PKP4: variants seen among roughly 807,000 people sequenced by gnomAD.
PKP4 encodes the protein plakophilin-4.
In PKP4, 90 loss-of-function variants were observed where a neutral mutation model predicts 145.1. The ratio of observed to expected loss-of-function variants is 0.62; its 90% CI spans 0.52 to 0.74. The LOEUF (loss-of-function observed/expected upper bound fraction) is 0.74. Ranked by LOEUF, PKP4 falls within the 30% of genes least tolerant of loss-of-function variation. The pLI is 0.00. For synonymous variants in PKP4, 563 were observed against 577.2 expected (o/e 0.98, Z 0.35); for missense variants, 1,340 against 1,482.7 (o/e 0.90, Z 1.58).
At chr2:158,475,393 A>C (rs1692307293) in intron 1 of PKP4, among the ~76,000 whole-genome samples, 1 of 152,130 alleles carries the variant, frequency 6.6e-6, no homozygotes, top group Non-Finnish European at 1.5e-5. Context: ...GTAGGTGCCC[A>C]GTGTTTTAGA....
At chr2:158,536,358 T>C (rs2044043096) in intron 2 of PKP4, among the ~76,000 whole-genome samples, 1 of 152,150 alleles carries the variant, frequency 6.6e-6, no homozygotes, top group South Asian at 2.1e-4. Context: ...CCAAACATAA[T>C]GTCAAGGCAC....
At chr2:158,615,497 G>A (rs987161526) in intron 4 of PKP4, among the ~76,000 whole-genome samples, 1 of 152,000 alleles carries the variant, frequency 6.6e-6, no homozygotes, top group African/African-American at 2.4e-5. Flanking sequence ...TATGGTAGCT[G>A]TGACATCTGT....
intron 1 of PKP4, among the ~76,000 whole-genome samples, chr2:158,514,831 C>T (rs1401729469): frequency 6.6e-6 from 1 of 152,124 alleles, no homozygotes; most frequent in African/African-American, 2.4e-5. Context: ...ATCCCAGCTA[C>T]TCAGGAGGCT....
intron 11 of PKP4, among the ~76,000 whole-genome samples, chr2:158,657,301 A>T (rs557234103): frequency 1.3e-5 from 2 of 152,328 alleles, no homozygotes; most frequent in East Asian, 3.9e-4. Context: ...CTATGATAAT[A>T]ATTTTAGCTA....
intron 1 of PKP4, among the ~76,000 whole-genome samples, chr2:158,485,862 T>TAACAC (rs1348367027): frequency 6.6e-6 from 1 of 152,214 alleles, no homozygotes; most frequent in East Asian, 1.9e-4. Flanking sequence ...ATCCTTAATG[T>TAACAC]CAATAATTAA....
intron 19 of PKP4, among the ~76,000 whole-genome samples, chr2:158,676,252 A>G (rs1575141108): frequency 6.6e-6 from 1 of 152,356 alleles, no homozygotes; most frequent in Middle Eastern, 3.4e-3. Context: ...TTTGGAAATA[A>G]TTAGAAATCA....
chr2:158,636,547 G>A (rs1462617621), intron 9 of PKP4, among the ~76,000 whole-genome samples: 4 of 152,086 alleles, frequency 2.6e-5, no homozygotes, highest in Admixed American at 2.6e-4. Flanking sequence ...TGGAATGTAG[G>A]TTGATGTTTT....
At chr2:158,678,159 A>C (rs2058174833) in intron 20 of PKP4, among the ~76,000 whole-genome samples, 1 of 152,102 alleles carries the variant, frequency 6.6e-6, no homozygotes, top group South Asian at 2.1e-4. Flanking sequence ...GCTTGTTCGA[A>C]TATTGTGTTT....
rs760129661 is a variant in PKP4 at position 158,680,564 on chromosome 2, T to G, written c.3466T>G (p.Tyr1156Asp). 2 of 1,614,160 alleles carry G rather than the reference T, an allele frequency of 1.2e-6. No individual in the cohort carries two copies. The highest frequency in any genetic ancestry group is 1.7e-5 in the Admixed American group (1 of 60,022). The change falls in exon 22 of 22, where the codon TAC becomes GAC. Residue 1156 changes from tyrosine (Y) to aspartate (D), a missense_variant. Physicochemically the swap from Tyr to Asp is radical, Grantham distance 160 (BLOSUM62 -3). Transcript: ENST00000389759. ...AGTTCACTTTCCAGCTTCTACTGAT[T>G]ACTCAACACAGTATGGACTGAAATC... Reference protein sequence around the residue: ...DRVHFPASTDYSTQYGLKSTT... With the variant: ...DRVHFPASTDDSTQYGLKSTT...
At chr2:158,495,335 A>G (rs1477544752) in intron 1 of PKP4, among the ~76,000 whole-genome samples, 6 of 133,542 alleles carry the variant, frequency 4.5e-5, no homozygotes, top group Non-Finnish European at 7.9e-5. Context: ...CATTGCTACA[A>G]TTCTTCTGGA....
intron 1 of PKP4, among the ~76,000 whole-genome samples, chr2:158,506,195 C>T (rs532160621): frequency 6.6e-6 from 1 of 152,300 alleles, no homozygotes; most frequent in South Asian, 2.1e-4. Context: ...TGGCTTTGAG[C>T]CTCCAGTCAC....
chr2:158,595,600 CAG>C (rs2049657608), intron 3 of PKP4, among the ~76,000 whole-genome samples: 1 of 152,098 alleles, frequency 6.6e-6, no homozygotes, highest in African/African-American at 2.4e-5. Flanking sequence ...CTAATTAAAA[CAG>C]AAGCCAAAGC....
At chr2:158,461,104 A>G (rs1246928614) in intron 1 of PKP4, among the ~76,000 whole-genome samples, 2 of 152,210 alleles carry the variant, frequency 1.3e-5, no homozygotes, top group East Asian at 1.9e-4. Flanking sequence ...TCAGGCTCTA[A>G]GTTGCCAAGA....
chr2:158,559,738 TA>T (rs1414255633), intron 2 of PKP4, among the ~76,000 whole-genome samples: 1 of 152,132 alleles, frequency 6.6e-6, no homozygotes, highest in Non-Finnish European at 1.5e-5. Context: ...AGTGTTTTCA[TA>T]AAATAGACAA....
At chr2:158,674,029 A>G in intron 19 of PKP4, 29 bp downstream of exon 19, 1 of 1,200,636 alleles carries the variant, frequency 8.3e-7, no homozygotes, top group Middle Eastern at 1.9e-4. Flanking sequence ...CTCCTTGGCG[A>G]GAACCTTTGT....
In PKP4 at chr2:158,581,072, G is replaced by A. The variant is rs556856161; in HGVS notation, c.245+3689G>A. ...CATGTAAAGGTGCTTTGCCATTAGG[G>A]GAGCTAAAGTTTTTTATTGTGTCAC... is the stretch of plus-strand genomic sequence containing the variant. On this transcript the variant is annotated intron_variant, in intron 3 of 21. Coordinates refer to ENST00000389759, the MANE Select transcript of PKP4 (RefSeq NM_003628.6). Among the ~76,000 whole-genome samples, 5 of 152,256 alleles carry A rather than the reference G, an allele frequency of 3.3e-5. No homozygotes were observed. In the South Asian group the frequency reaches 1.0e-3, roughly 32 times the overall value.
chr2:158,551,459 C>T (rs2045617007), intron 2 of PKP4, among the ~76,000 whole-genome samples: 1 of 152,194 alleles, frequency 6.6e-6, no homozygotes, highest in South Asian at 2.1e-4. Context: ...TCTCAGTTAG[C>T]ATTCCCCCTT....
rs752740933 is a variant in PKP4 at position 158,676,741 on chromosome 2, G to C, written c.3130G>C (p.Gly1044Arg). ...TCCTCCTTTGCCTCTCCCTTCAGTCGGCAGCACCTCTTCCTCACCAGCACT... is the reference window on the plus strand; with the variant it reads ...TCCTCCTTTGCCTCTCCCTTCAGTCCGCAGCACCTCTTCCTCACCAGCACT... The part of the protein sequence containing the change: ...QQMSPIIQSV[G>R]STSSSPALLG... The change falls in exon 20 of 22, where the codon GGC becomes CGC. Residue 1044 changes from glycine to arginine, a missense_variant and splice_region_variant. By Grantham distance (125) the Gly-to-Arg change is moderately radical (BLOSUM62 -2). Transcript: ENST00000389759. 1.9e-6 allele frequency: 3 copies of C among 1,613,848 alleles called. No individual in the cohort carries two copies. Among genetic ancestry groups the C allele is most frequent in the Non-Finnish European group, 2.5e-6 (3 of 1,179,988 alleles).
In PKP4 at chr2:158,680,420, TGTCAACAGC is replaced by T. The variant is rs1310918476; in HGVS notation, c.3331-8_3331del. 6.4e-7 allele frequency: 1 copy of T among 1,562,882 alleles called. No individual in the cohort carries two copies. The highest frequency in any genetic ancestry group is 1.2e-5 in the South Asian group (1 of 84,060). On this transcript the variant is annotated splice_acceptor_variant and splice_polypyrimidine_tract_variant and coding_sequence_variant and intron_variant, in exon 22 of 22. Transcript: ENST00000389759. LOFTEE classifies it high-confidence loss of function. Reference sequence around the variant, plus strand: ...CTTTTATTTATTTGCCTTTTCATTTTGTCAACAGCATCAACAGCTGTATTATAGTCAAGA... The same window carrying T: ...CTTTTATTTATTTGCCTTTTCATTTTATCAACAGCTGTATTATAGTCAAGA...
Sources: allele counts gnomAD v4.1 joint callset (sites outside exome capture counted in the v4.1 genomes callset), GRCh38; gene constraint gnomAD v4.1.1; transcripts MANE v1.5; gene names NCBI Gene and HGNC (gene_info 2026-07-23, HGNC 2026-07-21).